HEG1: variants seen among roughly 807,000 people sequenced by gnomAD.
HEG1 encodes heart development protein with EGF like domains 1.
HEG1 carries 56 observed loss-of-function variants against 125.6 expected under a neutral mutation model. That is an observed-to-expected ratio of 0.45 (90% confidence interval 0.36 to 0.56). HEG1 has a LOEUF of 0.56. Among genes scored for constraint, HEG1 ranks in the 20% least tolerant of loss-of-function variants. The probability of loss-of-function intolerance (pLI) is 0.00; values close to 1 mark genes in which losing one functional copy is unlikely to be tolerated. For missense variants in HEG1, 1,523 were observed against 1,670.0 expected, an observed-to-expected ratio of 0.91 and a Z score of 1.53; for synonymous variants, 644 against 668.5, an observed-to-expected ratio of 0.96 and a Z score of 0.57.
rs558133553 is a variant in HEG1, at chr3:125,021,960, T to C, written c.914-830A>G. Among the ~76,000 whole-genome samples the C allele has an allele frequency of 2.2e-4, 34 of 152,286 alleles. No individual in the cohort carries two copies. The East Asian group carries it at 6.4e-3, about 29-fold the overall frequency. On this transcript the variant is annotated intron_variant, in intron 3 of 16. Transcript: ENST00000311127. ...CTCCAGGAGCATTTGCTCTAATAGATGGATGGCTGCCATGGGGAAACTGTC... is the reference window on the plus strand; with the variant it reads ...CTCCAGGAGCATTTGCTCTAATAGACGGATGGCTGCCATGGGGAAACTGTC...
chr3:125,025,714 A>G (rs1346615703), intron 3 of HEG1, among the ~76,000 whole-genome samples: 1 of 152,222 alleles, frequency 6.6e-6, no homozygotes, highest in African/African-American at 2.4e-5. Context: ...ATAGCTTCCT[A>G]AAAAATACTT....
chr3:124,998,368 C>T (rs954271790), intron 11 of HEG1, among the ~76,000 whole-genome samples: 6 of 152,344 alleles, frequency 3.9e-5, no homozygotes, highest in African/African-American at 1.2e-4. Context: ...GTCCTGACAG[C>T]GTGCTGCCTA....
At chr3:124,997,009 C>T (rs935518637) in intron 12 of HEG1, among the ~76,000 whole-genome samples, 2 of 152,190 alleles carry the variant, frequency 1.3e-5, no homozygotes, top group Non-Finnish European at 2.9e-5. Context: ...TAAGCCTCAC[C>T]TTAAAGGTTA....
chr3:125,019,091 C>T (rs1214439911), intron 5 of HEG1, among the ~76,000 whole-genome samples, 171 bp downstream of exon 5: 1 of 152,050 alleles, frequency 6.6e-6, no homozygotes, highest in Non-Finnish European at 1.5e-5. Context: ...AGGTCTTGAA[C>T]CCCTCACCTC....
chr3:125,014,131 A>G (rs1937206668), intron 5 of HEG1, 141 bp from the exon 6 acceptor site: 1 of 797,360 alleles, frequency 1.3e-6, no homozygotes, highest in Admixed American at 2.9e-5. Context: ...GTGGTTTTCA[A>G]GGGTGAGCAC....
chr3:125,025,409 G>A (rs1484122296), intron 3 of HEG1, among the ~76,000 whole-genome samples: 2 of 152,146 alleles, frequency 1.3e-5, no homozygotes, highest in Non-Finnish European at 2.9e-5. Flanking sequence ...TGAACACACA[G>A]TTCACTAAAA....
At chr3:125,048,221 G>T (rs1325707586) in intron 1 of HEG1, among the ~76,000 whole-genome samples, 5 of 152,254 alleles carry the variant, frequency 3.3e-5, no homozygotes, top group Non-Finnish European at 7.3e-5. Flanking sequence ...AAAGGAAACT[G>T]TCCATTTTTA....
At chr3:125,049,021 T>C (rs1937742700) in intron 1 of HEG1, among the ~76,000 whole-genome samples, 1 of 152,202 alleles carries the variant, frequency 6.6e-6, no homozygotes, top group East Asian at 1.9e-4. Flanking sequence ...AGGATTCTGA[T>C]TCTCTCTGAT....
chr3:124,997,965 C>T, intron 11 of HEG1, 142 bp from the exon 12 acceptor site: 1 of 852,954 alleles, frequency 1.2e-6, no homozygotes, highest in Non-Finnish European at 1.7e-6. Flanking sequence ...AAAGTCTCCA[C>T]AGAGCAACAC....
intron 14 of HEG1, 143 bp downstream of exon 14, chr3:124,990,644 C>G: frequency 1.2e-6 from 1 of 803,610 alleles, no homozygotes; most frequent in Non-Finnish European, 2.0e-6. Context: ...TGGCCTTTCT[C>G]TTTGTTTCCC....
intron 14 of HEG1, among the ~76,000 whole-genome samples, chr3:124,981,654 T>A (rs1344902778): frequency 6.6e-6 from 1 of 152,066 alleles, no homozygotes; most frequent in Non-Finnish European, 1.5e-5. Context: ...GTAGCACTGG[T>A]TTAGATTACA....
chr3:124,981,280 G>A (rs1424288357), intron 14 of HEG1, among the ~76,000 whole-genome samples: 1 of 141,002 alleles, frequency 7.1e-6, no homozygotes, highest in East Asian at 2.0e-4. Context: ...CAGTCAACTC[G>A]ACTGTGGACT....
At chr3:125,022,424 A>AGAGC (rs1274392201) in intron 3 of HEG1, among the ~76,000 whole-genome samples, 1 of 150,456 alleles carries the variant, frequency 6.6e-6, no homozygotes, top group Non-Finnish European at 1.5e-5. Context: ...AGAGAGAGAG[A>AGAGC]GCATGCATGG....
chr3:124,978,593 T>C (rs1936590267), intron 14 of HEG1, among the ~76,000 whole-genome samples: 1 of 152,174 alleles, frequency 6.6e-6, no homozygotes, highest in Non-Finnish European at 1.5e-5. Flanking sequence ...AATTTGTTCC[T>C]CTTTGATAAC....
chr3:125,053,794 G>T (rs1386943196), intron 1 of HEG1, among the ~76,000 whole-genome samples: 2 of 152,178 alleles, frequency 1.3e-5, no homozygotes, highest in South Asian at 2.1e-4. Context: ...GGTCACATAA[G>T]GCCCCAATTC....
intron 1 of HEG1, among the ~76,000 whole-genome samples, chr3:125,034,733 G>C (rs1423654508): frequency 1.3e-5 from 2 of 152,168 alleles, no homozygotes; most frequent in Non-Finnish European, 2.9e-5. Flanking sequence ...CCGAGACATG[G>C]AGGTTGCAGT....
At chr3:125,043,524 G>A (rs530739201) in intron 1 of HEG1, among the ~76,000 whole-genome samples, 2 of 152,258 alleles carry the variant, frequency 1.3e-5, no homozygotes, top group South Asian at 4.2e-4. Context: ...AGGGAGGAAA[G>A]GGGGTCTACC....
chr3:125,019,188 G>A (rs749596389), intron 5 of HEG1, 74 bp downstream of exon 5: 10 of 1,310,858 alleles, frequency 7.6e-6, no homozygotes, highest in African/African-American at 7.3e-5. Context: ...GTTTTAATAC[G>A]CCACAGATTT....
rs367566611 is a variant in HEG1 at position 125,026,937 on chromosome 3, T to C, written c.913+268A>G. 9.0e-4 allele frequency among the ~76,000 whole-genome samples: 137 copies of C among 152,160 alleles called. 2 individuals carry two copies. In the South Asian group the frequency reaches 0.028, roughly 31 times the overall value. ...ATCGCTTGAACCTGGGAGGCAGAGG[T>C]TGCAGTGAGCTGAGATCGCGTCACT... is the stretch of plus-strand genomic sequence containing the variant. On this transcript the variant is annotated intron_variant, in intron 3 of 16. Transcript: ENST00000311127.
Sources: gnomAD v4.1 joint callset for allele counts (sites outside exome capture counted in the v4.1 genomes callset) on GRCh38, gnomAD v4.1.1 for gene constraint, MANE v1.5 for transcripts, NCBI Gene and HGNC (gene_info 2026-07-23, HGNC 2026-07-21) for gene names.